Variants in AMBRA1 observed in about 807,000 individuals in gnomAD.
The protein encoded by AMBRA1 is autophagy and beclin 1 regulator 1, also known as activating molecule in BECN1-regulated autophagy protein 1.
In AMBRA1, 47 loss-of-function variants were observed where a neutral mutation model predicts 125.4. The observed-to-expected ratio is 0.37, with a 90% confidence interval of 0.30 to 0.48. AMBRA1 has a LOEUF of 0.48. AMBRA1 is among the 20% of genes least tolerant of loss of function. The probability of loss-of-function intolerance (pLI) is 0.99; values close to 1 mark genes in which losing one functional copy is unlikely to be tolerated. For missense variants in AMBRA1, 1,331 were observed against 1,693.4 expected, an observed-to-expected ratio of 0.79 and a Z score of 3.76; for synonymous variants, 626 against 655.5, an observed-to-expected ratio of 0.95 and a Z score of 0.69.
At chr11:46,442,794 A>G (rs965542425) in intron 12 of AMBRA1, among the ~76,000 whole-genome samples, 2 of 152,268 alleles carry the variant, frequency 1.3e-5, no homozygotes, top group Non-Finnish European at 2.9e-5. Flanking sequence ...GCAAAGTCTT[A>G]TAATATCACA....
intron 8 of AMBRA1, among the ~76,000 whole-genome samples, chr11:46,510,091 A>C (rs58770070): frequency 0.012 from 1,829 of 152,286 alleles, 42 homozygotes; most frequent in African/African-American, 0.042. Context: ...CCCAAGCAGA[A>C]CAGCTAACAA....
intron 15 of AMBRA1, among the ~76,000 whole-genome samples, chr11:46,417,079 G>T (rs1946579934): frequency 6.6e-6 from 1 of 150,986 alleles, no homozygotes; most frequent in Admixed American, 6.6e-5. Flanking sequence ...TTGAGACAGA[G>T]TCTCACTCTG....
intron 1 of AMBRA1, among the ~76,000 whole-genome samples, chr11:46,581,907 A>G (rs1217651794): frequency 6.6e-6 from 1 of 151,818 alleles, no homozygotes; most frequent in Non-Finnish European, 1.5e-5. Context: ...TCTTGAGTCC[A>G]GGAGTTTGAG....
At chr11:46,493,771 C>A in intron 10 of AMBRA1, 63 bp from the exon 11 acceptor site, 1 of 1,329,840 alleles carries the variant, frequency 7.5e-7, no homozygotes, top group Non-Finnish European at 1.0e-6. Context: ...ATACTAACTA[C>A]CTACACTGAA....
chr11:46,536,153 A>G (rs1952465907), intron 7 of AMBRA1, among the ~76,000 whole-genome samples: 1 of 152,254 alleles, frequency 6.6e-6, no homozygotes, highest in Non-Finnish European at 1.5e-5. Flanking sequence ...ATATGAAACC[A>G]TAAGGAACAT....
In AMBRA1 at chr11:46,542,559, G is replaced by A. The variant is rs777269214; in HGVS notation, c.1458C>T (p.Gly486=). Residue 486 remains glycine (G), a synonymous_variant, in exon 7 of 18, where the codon GGC becomes GGT. Transcript: ENST00000683756. The surrounding 1 kb of genome is among the most constrained non-coding windows in gnomAD (Gnocchi z 5.9). The part of the protein sequence containing the change: ...GLATESDGGN[G]SSQNNSGSIR... ...TGCTGCCCGAGTTGTTTTGGCTGGA[G>A]CCATTCCCTCCATCTGACTCAGTTG... 2 of 1,613,220 alleles carry A rather than the reference G, an allele frequency of 1.2e-6. No homozygotes were observed. The highest frequency in any genetic ancestry group is 2.7e-5 in the African/African-American group (2 of 74,936).
chr11:46,444,399 A>G (rs1473644869), intron 11 of AMBRA1, among the ~76,000 whole-genome samples: 1 of 152,160 alleles, frequency 6.6e-6, no homozygotes, highest in Non-Finnish European at 1.5e-5. Flanking sequence ...GGATTTTTTT[A>G]ACAGGGTGAC....
chr11:46,543,974 C>T lies in AMBRA1; in HGVS notation c.618+1G>A. ...GAATTGGAACTGCTGGACTAACTTACCTGTTGATTAGAGGGGTTAACAATT... is the reference window on the plus strand; with the variant it reads ...GAATTGGAACTGCTGGACTAACTTATCTGTTGATTAGAGGGGTTAACAATT... On this transcript the variant is annotated splice_donor_variant, in intron 6 of 17. Coordinates refer to ENST00000683756, the MANE Select transcript of AMBRA1 (RefSeq NM_001387011.1). LOFTEE classifies it high-confidence loss of function. The T allele has an allele frequency of 6.2e-7, 1 of 1,613,116 alleles. No homozygotes were observed. Among genetic ancestry groups the T allele is most frequent in the Non-Finnish European group, 8.5e-7 (1 of 1,179,226 alleles).
At chr11:46,507,687 G>C (rs919709379) in intron 9 of AMBRA1, among the ~76,000 whole-genome samples, 1 of 152,126 alleles carries the variant, frequency 6.6e-6, no homozygotes, top group Non-Finnish European at 1.5e-5. Context: ...GACCAAAAAA[G>C]TTTAGGCAAT....
At chr11:46,575,713 C>T (rs1478748829) in intron 1 of AMBRA1, among the ~76,000 whole-genome samples, 2 of 151,930 alleles carry the variant, frequency 1.3e-5, no homozygotes, top group Middle Eastern at 3.2e-3. Context: ...GATGGGGTTT[C>T]ACCATATTGG....
At chr11:46,423,441 G>C (rs543755026) in intron 14 of AMBRA1, among the ~76,000 whole-genome samples, 1 of 151,904 alleles carries the variant, frequency 6.6e-6, no homozygotes, top group South Asian at 2.1e-4. Context: ...ACCCAGGCTG[G>C]AGTGCAGTGG....
intron 11 of AMBRA1, among the ~76,000 whole-genome samples, chr11:46,463,024 G>A (rs1005425112): frequency 1.1e-4 from 16 of 152,202 alleles, no homozygotes; most frequent in African/African-American, 3.9e-4. Context: ...AAAGTGCTGG[G>A]ATTACAGGCG....
At chr11:46,473,884 T>C (rs751835444) in intron 11 of AMBRA1, among the ~76,000 whole-genome samples, 97 of 152,232 alleles carry the variant, frequency 6.4e-4, no homozygotes, top group Non-Finnish European at 1.1e-3. Context: ...TCTCCTGACC[T>C]TGTGATCGGC....
intron 14 of AMBRA1, among the ~76,000 whole-genome samples, chr11:46,430,016 G>T (rs951711742): frequency 2.0e-5 from 3 of 152,106 alleles, no homozygotes; most frequent in African/African-American, 7.2e-5. Context: ...TATGTGCCCA[G>T]TCTTACTTTC....
chr11:46,445,154 T>C (rs1268872597), intron 11 of AMBRA1, among the ~76,000 whole-genome samples: 1 of 151,986 alleles, frequency 6.6e-6, no homozygotes, highest in Non-Finnish European at 1.5e-5. Context: ...ATACACATTG[T>C]ATCTGTGATA....
chr11:46,465,093 C>T (rs1409064956), intron 11 of AMBRA1, among the ~76,000 whole-genome samples: 1 of 151,968 alleles, frequency 6.6e-6, no homozygotes, highest in African/African-American at 2.4e-5. Context: ...ACAATATTCC[C>T]CAGCCCTAAA....
At position 46,585,705 on chromosome 11, in the gene AMBRA1, T is replaced by TATATATATATATAC. The variant is rs2044369022; in HGVS notation, c.-121+8122_-121+8123insGTATATATATATAT. ...AAAAAAAAAAAAAAAAATATATATATATATATATATATATATATTCCTAGC... is the reference window on the plus strand; with the variant it reads ...AAAAAAAAAAAAAAAAATATATATATATATATATATATACATATATATATATATATATTCCTAGC... On this transcript the variant is annotated intron_variant, in intron 1 of 17. Transcript: ENST00000683756. Among the ~76,000 whole-genome samples, 2 of 81,648 alleles carry TATATATATATATAC rather than the reference T, an allele frequency of 2.4e-5. 1 individual carries two copies. Among genetic ancestry groups the TATATATATATATAC allele is most frequent in the African/African-American group, 9.2e-5 (2 of 21,782 alleles). The allele number at this position is 81,648 out of a possible 152,430, so 53.6% of individuals were successfully genotyped here.
At position 46,545,683 on chromosome 11, in the gene AMBRA1, T is replaced by C. The variant is rs377436639; in HGVS notation, c.472A>G (p.Asn158Asp). 6.8e-6 allele frequency: 11 copies of C among 1,614,132 alleles called. No individual in the cohort carries two copies. In the African/African-American group the frequency reaches 9.3e-5, roughly 14 times the overall value. The change falls in exon 5 of 18, where the codon AAT becomes GAT. Residue 158 changes from asparagine to aspartate, a missense_variant. This residue lies in a region of AMBRA1 where 144 missense variants were observed against 250.4 expected (regional missense o/e 0.58). Transcript: ENST00000683756. ...TAQLLLIATA[N>D]EIHFWDWSRR... ...CTCCAGTCCCAGAAGTGGATCTCAT[T>C]GGCAGTGGCAATCAGCAGGAGCTGA...
Position 46,542,757 on chromosome 11 carries a change from G to A in AMBRA1, c.1260C>T (p.Thr420=), listed in dbSNP as rs757061999. The A allele has an allele frequency of 6.2e-7, 1 of 1,613,914 alleles. No individual in the cohort carries two copies. The highest frequency in any genetic ancestry group is 1.1e-5 in the South Asian group (1 of 91,044). The change falls in exon 7 of 18, where the codon ACC becomes ACT. Residue 420 remains threonine (T), a synonymous_variant. Coordinates refer to ENST00000683756, the MANE Select transcript of AMBRA1 (RefSeq NM_001387011.1). This position sits in a 1 kb window ranked among gnomAD's most constrained non-coding sequence, Gnocchi z 5.9. ...GGGAGTTCAGACTGAGTACTGTCCG[G>A]GTCCACTCAGATCCTGTCAACCCAG... ...IAPGLTGSEW[T]RTVLSLNSRS...
Sources: gnomAD v4.1 joint callset for allele counts (sites outside exome capture counted in the v4.1 genomes callset) on GRCh38, gnomAD v4.1.1 for gene constraint, gnomAD v4.1.1 regional missense constraint, Gnocchi (gnomAD v3.1) non-coding constraint, MANE v1.5 for transcripts, NCBI Gene and HGNC (gene_info 2026-07-23, HGNC 2026-07-21) for gene names.